The following PACRG variants were observed in gnomAD, a reference collection of about 807,000 sequenced individuals.
The protein encoded by PACRG is parkin coregulated gene protein.
Under a neutral mutation model 29.7 loss-of-function variants are expected in PACRG, and 29 were observed. That is an observed-to-expected ratio of 0.98 (90% confidence interval 0.73 to 1.33). The LOEUF (loss-of-function observed/expected upper bound fraction) is 1.33. Ranked by LOEUF, PACRG falls within the 40% of genes most tolerant of loss-of-function variation. The pLI, the probability that PACRG is intolerant of heterozygous loss-of-function variation, is 0.00. For synonymous variants in PACRG, 116 were observed against 118.7 expected (o/e 0.98, Z 0.15); for missense variants, 279 against 316.2 (o/e 0.88, Z 0.89).
At chr6:163,062,999 G>C (rs568461298) in intron 3 of PACRG, among the ~76,000 whole-genome samples, 17 of 152,214 alleles carry the variant, frequency 1.1e-4, no homozygotes, top group African/African-American at 4.1e-4. Context: ...TGCCAGTAGA[G>C]CCACCCTGAT....
chr6:163,058,906 C>A (rs1305287059), intron 2 of PACRG, among the ~76,000 whole-genome samples: 1 of 145,656 alleles, frequency 6.9e-6, no homozygotes, highest in African/African-American at 2.6e-5. Context: ...TCTCAAAAAA[C>A]AAACAAACAA....
At chr6:163,223,595 A>G (rs1160960227) in intron 4 of PACRG, among the ~76,000 whole-genome samples, 1 of 152,212 alleles carries the variant, frequency 6.6e-6, no homozygotes, top group Non-Finnish European at 1.5e-5. Flanking sequence ...TGCACAGGAA[A>G]AAGTAAATGC....
At chr6:162,962,321 A>C (rs1800691569) in intron 2 of PACRG, among the ~76,000 whole-genome samples, 1 of 152,184 alleles carries the variant, frequency 6.6e-6, no homozygotes, top group African/African-American at 2.4e-5. Context: ...TTAGCATGTA[A>C]TACATGTTTC....
chr6:162,763,828 T>C (rs1485627111), intron 1 of PACRG, among the ~76,000 whole-genome samples: 1 of 152,228 alleles, frequency 6.6e-6, no homozygotes, highest in Non-Finnish European at 1.5e-5. Flanking sequence ...CCATGTTTCT[T>C]CCTTATTCCT....
intron 2 of PACRG, among the ~76,000 whole-genome samples, chr6:162,942,304 T>C (rs1445094191): frequency 1.3e-5 from 2 of 152,180 alleles, no homozygotes; most frequent in Non-Finnish European, 2.9e-5. Context: ...TGGTATTGCT[T>C]TCAATATGAC....
intron 2 of PACRG, among the ~76,000 whole-genome samples, chr6:162,935,208 G>A (rs1798145841): frequency 6.6e-6 from 1 of 152,048 alleles, no homozygotes; most frequent in African/African-American, 2.4e-5. Flanking sequence ...TGAACTTCCT[G>A]TATCTATATG....
intron 4 of PACRG, among the ~76,000 whole-genome samples, chr6:163,250,906 T>TATATATATATATATAC (rs1026185460): frequency 4.7e-5 from 7 of 149,316 alleles, no homozygotes; most frequent in African/African-American, 1.7e-4. Context: ...TATATATATA[T>TATATATATATATATAC]ACACTATGGA....
intron 4 of PACRG, among the ~76,000 whole-genome samples, chr6:163,230,071 T>C (rs1781965109): frequency 6.6e-6 from 1 of 152,236 alleles, no homozygotes; most frequent in Non-Finnish European, 1.5e-5. Flanking sequence ...TACTTCCAAG[T>C]GGCCATCTTC....
chr6:162,874,439 G>A (rs957961802), intron 2 of PACRG, among the ~76,000 whole-genome samples: 2 of 152,070 alleles, frequency 1.3e-5, no homozygotes, highest in Non-Finnish European at 2.9e-5. Context: ...GTGATAGCCA[G>A]GGGTCTGTTC....
At chr6:162,762,581 G>C (rs1239828444) in intron 1 of PACRG, among the ~76,000 whole-genome samples, 5 of 152,278 alleles carry the variant, frequency 3.3e-5, no homozygotes, top group Admixed American at 3.3e-4. Context: ...TTTAAAAAAG[G>C]CTTTAGAAAA....
In PACRG at chr6:163,121,938, A is replaced by G. The variant is rs566090021; in HGVS notation, c.613+32530A>G. On this transcript the variant is annotated intron_variant, in intron 4 of 4. Coordinates refer to ENST00000366888, the MANE Select transcript of PACRG (RefSeq NM_001080379.2). The stretch of plus-strand genomic sequence containing the variant: ...CGGCCTCCCAAAGTGCTGGGATTAC[A>G]GGTGTGAGCCACCACGCCTGGCCGG... Among the ~76,000 whole-genome samples, 8 of 152,222 alleles carry G rather than the reference A, an allele frequency of 5.3e-5. No individual in the cohort carries two copies. In the East Asian group the frequency reaches 1.4e-3, roughly 26 times the overall value.
intron 1 of PACRG, among the ~76,000 whole-genome samples, chr6:162,764,272 C>A (rs1211240228): frequency 6.6e-6 from 1 of 151,194 alleles, no homozygotes; most frequent in Non-Finnish European, 1.5e-5. Context: ...GAGACTCCAT[C>A]ACAAAAAAAG....
In PACRG at chr6:163,315,126, ACT is replaced by A. The variant is rs1223517548; in HGVS notation, c.*140_*141del. The A allele has an allele frequency of 2.1e-6, 2 of 972,266 alleles. No individual in the cohort carries two copies. The highest frequency in any genetic ancestry group is 3.0e-6 in the Non-Finnish European group (2 of 661,486). 60.2% of individuals were successfully genotyped at this position (972,266 alleles called of 1,614,324 possible). ...AAAATAGTGGCTTATGGGCCATTGGACTGTTAGCCCTATTGAGAGCAAGGCTT... is the reference window on the plus strand; with the variant it reads ...AAAATAGTGGCTTATGGGCCATTGGAGTTAGCCCTATTGAGAGCAAGGCTT... On this transcript the variant is annotated 3_prime_UTR_variant, in exon 5 of 5. Transcript: ENST00000366888.
intron 3 of PACRG, among the ~76,000 whole-genome samples, chr6:163,077,383 G>A (rs1262702432): frequency 6.6e-6 from 1 of 152,158 alleles, no homozygotes; most frequent in Non-Finnish European, 1.5e-5. Context: ...CTCTAACGAG[G>A]TGAGGTCATC....
intron 2 of PACRG, among the ~76,000 whole-genome samples, chr6:162,857,486 A>C (rs1791499279): frequency 6.6e-6 from 1 of 152,198 alleles, no homozygotes; most frequent in South Asian, 2.1e-4. Flanking sequence ...GAGAAGATTC[A>C]TATTCAAATG....
chr6:162,995,542 C>G (rs146206342), intron 2 of PACRG, among the ~76,000 whole-genome samples: 1 of 152,206 alleles, frequency 6.6e-6, no homozygotes, highest in Non-Finnish European at 1.5e-5. Flanking sequence ...ACTCAGAAAG[C>G]GAACTCCCTG....
intron 1 of PACRG, among the ~76,000 whole-genome samples, chr6:162,748,471 C>T (rs920432757): frequency 5.3e-5 from 8 of 152,192 alleles, no homozygotes; most frequent in Admixed American, 3.9e-4. Flanking sequence ...CCAGCCTGCG[C>T]GACAGAGTGA....
chr6:163,114,214 C>A (rs2128321084), intron 4 of PACRG, among the ~76,000 whole-genome samples: 1 of 152,282 alleles, frequency 6.6e-6, no homozygotes, highest in South Asian at 2.1e-4. Context: ...TGTGCCACTG[C>A]ACTTCAGCCT....
chr6:162,917,986 T>A (rs1177388921), intron 2 of PACRG, among the ~76,000 whole-genome samples: 1 of 152,228 alleles, frequency 6.6e-6, no homozygotes, highest in Non-Finnish European at 1.5e-5. Context: ...TCTAACTTAG[T>A]TAAATTATCT....
Sources: allele counts gnomAD v4.1 joint callset (sites outside exome capture counted in the v4.1 genomes callset), GRCh38; gene constraint gnomAD v4.1.1; transcripts MANE v1.5; gene names NCBI Gene and HGNC (gene_info 2026-07-23, HGNC 2026-07-21).